SGCD: variants seen among roughly 807,000 people sequenced by gnomAD.
The protein encoded by SGCD is sarcoglycan delta.
SGCD carries 18 observed loss-of-function variants against 36.6 expected under a neutral mutation model. That is an observed-to-expected ratio of 0.49 (90% CI 0.34 to 0.73). The LOEUF is 0.73. SGCD is among the 30% of genes least tolerant of loss of function. The pLI is 0.01. For synonymous variants in SGCD, 133 were observed against 130.6 expected, an observed-to-expected ratio of 1.02 and a Z score of -0.12; for missense variants, 387 against 346.7, an observed-to-expected ratio of 1.12 and a Z score of -0.92.
At chr5:156,484,981 A>G (rs1342114170) in intron 3 of SGCD, among the ~76,000 whole-genome samples, 1 of 152,230 alleles carries the variant, frequency 6.6e-6, no homozygotes, top group Non-Finnish European at 1.5e-5. Flanking sequence ...AGTAAAGTAA[A>G]TGAGGAATAT....
chr5:156,170,893 T>A (rs1380464525), intron 3 of SGCD, among the ~76,000 whole-genome samples: 1 of 152,200 alleles, frequency 6.6e-6, no homozygotes, highest in Non-Finnish European at 1.5e-5. Context: ...TTCTTTGCTG[T>A]CCTTGGAATT....
chr5:155,902,437 G>A (rs1012023489), intron 1 of SGCD, among the ~76,000 whole-genome samples: 8 of 152,092 alleles, frequency 5.3e-5, no homozygotes, highest in Admixed American at 3.9e-4. Flanking sequence ...AGCAATTATG[G>A]TCATCAACTA....
intron 3 of SGCD, among the ~76,000 whole-genome samples, chr5:156,277,368 A>T (rs1331627255): frequency 6.6e-6 from 1 of 152,106 alleles, no homozygotes; most frequent in Non-Finnish European, 1.5e-5. Context: ...GTCATATTTT[A>T]TTCTGGAGCT....
intron 3 of SGCD, among the ~76,000 whole-genome samples, chr5:156,175,060 T>G (rs573185901): frequency 6.6e-6 from 1 of 152,086 alleles, no homozygotes; most frequent in African/African-American, 2.4e-5. Context: ...TGAGGAGATA[T>G]ATTACATGAA....
chr5:156,662,902 C>T (rs889407589), intron 7 of SGCD, among the ~76,000 whole-genome samples: 1 of 150,532 alleles, frequency 6.6e-6, no homozygotes, highest in South Asian at 2.1e-4. Flanking sequence ...CACTGATTTA[C>T]CCACACCGGT....
intron 7 of SGCD, among the ~76,000 whole-genome samples, chr5:156,690,248 G>A (rs902374159): frequency 2.6e-5 from 4 of 152,178 alleles, no homozygotes; most frequent in Non-Finnish European, 5.9e-5. Flanking sequence ...GGAAAGAATA[G>A]AGCTGAGATT....
chr5:156,271,162 T>C (rs1766166768), intron 3 of SGCD, among the ~76,000 whole-genome samples: 2 of 152,200 alleles, frequency 1.3e-5, no homozygotes, highest in South Asian at 4.1e-4. Context: ...TGGTCATTTT[T>C]TGAAAAAGGT....
At position 156,762,273 on chromosome 5, in the gene SGCD, G is replaced by A. The variant is rs1757513152; in HGVS notation, c.*2883G>A. 6.6e-6 allele frequency: 1 copy of A among 152,484 alleles called. No individual in the cohort carries two copies. Among genetic ancestry groups the A allele is most frequent in the Non-Finnish European group, 1.5e-5 (1 of 68,026 alleles). 9.4% of individuals were successfully genotyped at this position (152,484 alleles called of 1,614,324 possible). A position where few individuals can be genotyped will look rare whatever the true frequency, so the allele number is the denominator to read the frequency against. On this transcript the variant is annotated 3_prime_UTR_variant, in exon 9 of 9. Coordinates refer to ENST00000337851, the MANE Select transcript of SGCD (RefSeq NM_000337.6). The stretch of plus-strand genomic sequence containing the variant: ...CAAATGAACCTTCAATATACTAGAA[G>A]TTCTAGTAGGTTAATATTGTTCAGA...
intron 3 of SGCD, among the ~76,000 whole-genome samples, chr5:156,269,008 G>T (rs1241263585): frequency 6.6e-6 from 1 of 152,102 alleles, no homozygotes; most frequent in African/African-American, 2.4e-5. Context: ...CCAAGATGCT[G>T]ATAAGGACAT....
At chr5:156,444,063 C>CT (rs1468177835) in intron 3 of SGCD, among the ~76,000 whole-genome samples, 3 of 42,094 alleles carry the variant, frequency 7.1e-5, no homozygotes, top group Non-Finnish European at 1.7e-4. Context: ...TCTTTCTCTC[C>CT]TTCTCTCTCT....
At chr5:156,449,675 T>TAAAAA (rs1753910869) in intron 3 of SGCD, among the ~76,000 whole-genome samples, 1 of 19,226 alleles carries the variant, frequency 5.2e-5, no homozygotes, top group African/African-American at 2.3e-4. Flanking sequence ...CTACTAAAAA[T>TAAAAA]ACAAAAAAAA....
chr5:155,878,223 A>G (rs1363783040), intron 1 of SGCD, among the ~76,000 whole-genome samples: 2 of 152,140 alleles, frequency 1.3e-5, no homozygotes, highest in Non-Finnish European at 2.9e-5. Context: ...TCATCCTATA[A>G]TAAGTTTAGA....
At chr5:156,430,090 C>T (rs536652036) in intron 3 of SGCD, among the ~76,000 whole-genome samples, 1 of 152,272 alleles carries the variant, frequency 6.6e-6, no homozygotes, top group African/African-American at 2.4e-5. Context: ...GGGAAGTTTT[C>T]TTCAATTACT....
At chr5:155,970,798 T>C (rs1277585444) in intron 1 of SGCD, among the ~76,000 whole-genome samples, 1 of 152,330 alleles carries the variant, frequency 6.6e-6, no homozygotes, top group African/African-American at 2.4e-5. Context: ...AGTAAATTGA[T>C]GCTTAAGGCT....
chr5:155,874,311 A>G (rs1045012691), intron 1 of SGCD, among the ~76,000 whole-genome samples: 1 of 152,172 alleles, frequency 6.6e-6, no homozygotes, highest in Non-Finnish European at 1.5e-5. Flanking sequence ...GCAACAACAG[A>G]AACAAATGGA....
chr5:155,806,128 C>T, the SGCD span, among the ~76,000 whole-genome samples: 4 of 152,118 alleles, frequency 2.6e-5, no homozygotes, highest in African/African-American at 9.7e-5. Context: ...TTAAAACAAA[C>T]ACTATTCTGG....
chr5:155,804,467 T>G, the SGCD span, among the ~76,000 whole-genome samples: 6 of 152,344 alleles, frequency 3.9e-5, no homozygotes, highest in East Asian at 1.2e-3. Context: ...GTTTTGAATC[T>G]TCACCTTTAT....
rs546509498 is a variant in SGCD at position 156,512,926 on chromosome 5, A to AT, written c.294+4236dup. 3.3e-3 allele frequency among the ~76,000 whole-genome samples: 480 copies of AT among 146,758 alleles called. 1 individual carries two copies. Among genetic ancestry groups the AT allele is most frequent in the South Asian group, 0.011 (49 of 4,640 alleles). ...ATTTAATGTCTAACTTAAGAGTACGATTTTTTTTTTTTCCTGCAATGGGGC... is the reference window on the plus strand; with the variant it reads ...ATTTAATGTCTAACTTAAGAGTACGATTTTTTTTTTTTTCCTGCAATGGGGC... On this transcript the variant is annotated intron_variant, in intron 4 of 8. Coordinates refer to ENST00000337851, the MANE Select transcript of SGCD (RefSeq NM_000337.6).
Position 156,764,373 on chromosome 5 carries a change from C to G in SGCD, c.*4983C>G, listed in dbSNP as rs1459221221. ...CCTCTGAATTTCTCATGCACAAAGC[C>G]AAACCACTGATAAGAGATAAAGCAG... On this transcript the variant is annotated 3_prime_UTR_variant, in exon 9 of 9. Transcript: ENST00000337851. The G allele has an allele frequency of 2.0e-5, 3 of 152,558 alleles. No individual in the cohort carries two copies. In the East Asian group the frequency reaches 5.8e-4, roughly 29 times the overall value. 9.5% of individuals were successfully genotyped at this position (152,558 alleles called of 1,614,324 possible).
Sources: gnomAD v4.1 joint callset for allele counts (sites outside exome capture counted in the v4.1 genomes callset) on GRCh38, gnomAD v4.1.1 for gene constraint, MANE v1.5 for transcripts, NCBI Gene and HGNC (gene_info 2026-07-23, HGNC 2026-07-21) for gene names.